Variants in NALF1 observed in about 807,000 individuals in gnomAD.
The protein encoded by NALF1 is NALCN channel auxiliary factor 1, also known as family with sequence similarity 155 member A.
Under a neutral mutation model 48.4 loss-of-function variants are expected in NALF1, and 3 were observed. The ratio of observed to expected loss-of-function variants is 0.06; its 90% CI spans 0.03 to 0.16. NALF1 has a LOEUF of 0.16. Among genes scored for constraint, NALF1 ranks in the 10% least tolerant of loss-of-function variants. The pLI is 1.00. For synonymous variants in NALF1, 262 were observed against 245.7 expected, an observed-to-expected ratio of 1.07 and a Z score of -0.62; for missense variants, 526 against 571.5, an observed-to-expected ratio of 0.92 and a Z score of 0.81.
intron 1 of NALF1, among the ~76,000 whole-genome samples, chr13:107,578,060 T>G (rs1296350091): frequency 6.6e-6 from 1 of 152,188 alleles, no homozygotes; most frequent in Non-Finnish European, 1.5e-5. Flanking sequence ...TAAAATTGAT[T>G]GGTGCTATCT....
rs754608397 is a variant in NALF1 at position 107,865,995 on chromosome 13, C to A, written c.602G>T (p.Gly201Val). Residue 201 changes from glycine to valine, a missense_variant, in exon 1 of 3, where the codon GGG becomes GTG. Physicochemically the swap from Gly to Val is moderately radical, Grantham distance 109. Coordinates refer to ENST00000375915, the MANE Select transcript of NALF1 (RefSeq NM_001080396.3). ...CARNWSRGAA[G>V]GDGQEVRSKH... ...GCTCCTCACCTCCTGCCCGTCCCCC[C>A]CGGCCGCCCCCCGACTCCAGTTCCT... The A allele has an allele frequency of 5.0e-6, 8 of 1,612,354 alleles. No homozygotes were observed. Among genetic ancestry groups the A allele is most frequent in the East Asian group, 4.5e-5 (2 of 44,882 alleles).
intron 1 of NALF1, among the ~76,000 whole-genome samples, chr13:107,707,672 G>A (rs541566882): frequency 1.4e-4 from 22 of 152,326 alleles, no homozygotes; most frequent in Admixed American, 1.4e-3. Context: ...GGAGATGGTA[G>A]TATCCTATCT....
At chr13:107,768,540 C>T (rs973156700) in intron 1 of NALF1, among the ~76,000 whole-genome samples, 20 of 152,008 alleles carry the variant, frequency 1.3e-4, no homozygotes, top group African/African-American at 4.4e-4. Flanking sequence ...TTCCAAAAAG[C>T]GTTTATAAAG....
chr13:107,635,320 A>T (rs1879946084), intron 1 of NALF1, among the ~76,000 whole-genome samples: 1 of 152,052 alleles, frequency 6.6e-6, no homozygotes, highest in Non-Finnish European at 1.5e-5. Context: ...GGGGCAGCAA[A>T]CATGTCCTTC....
intron 1 of NALF1, among the ~76,000 whole-genome samples, chr13:107,529,248 T>G (rs1876546581): frequency 6.6e-6 from 1 of 152,120 alleles, no homozygotes; most frequent in African/African-American, 2.4e-5. Context: ...GGTGAATACC[T>G]GCATAGTGAA....
intron 1 of NALF1, among the ~76,000 whole-genome samples, chr13:107,576,701 T>G (rs1878161665): frequency 6.6e-6 from 1 of 151,916 alleles, no homozygotes; most frequent in Admixed American, 6.6e-5. Flanking sequence ...GCCAGACAAA[T>G]TGGAAAGGCC....
Position 107,508,773 on chromosome 13 carries a change from C to T in NALF1, c.916-298018G>A, listed in dbSNP as rs531068220. ...CCCAATCTCACAACTGATGCAAAAT[C>T]AGAAAGAAAACACCAACCAAACCAG... On this transcript the variant is annotated intron_variant, in intron 1 of 2. Transcript: ENST00000375915. Among the ~76,000 whole-genome samples, 12 of 152,004 alleles carry T rather than the reference C, an allele frequency of 7.9e-5. No homozygotes were observed. The South Asian group carries it at 2.3e-3, about 29-fold the overall frequency.
intron 1 of NALF1, among the ~76,000 whole-genome samples, chr13:107,676,593 A>T (rs924129840): frequency 2.0e-4 from 21 of 106,558 alleles, no homozygotes; most frequent in Admixed American, 5.1e-4. Flanking sequence ...AAATCATTAA[A>T]TTAATTTAAT....
chr13:107,493,287 GA>G (rs199812544), intron 1 of NALF1, among the ~76,000 whole-genome samples: 2 of 150,966 alleles, frequency 1.3e-5, no homozygotes, highest in African/African-American at 4.8e-5. Context: ...AATAACTCCA[GA>G]AAAAAAAATA....
At chr13:107,455,856 G>A (rs565650127) in intron 1 of NALF1, among the ~76,000 whole-genome samples, 4 of 147,014 alleles carry the variant, frequency 2.7e-5, no homozygotes, top group South Asian at 2.1e-4. Context: ...TTCTTAGCTC[G>A]ATAACTCTTT....
chr13:107,736,194 T>TACACACAC (rs891269318), intron 1 of NALF1, among the ~76,000 whole-genome samples: 1 of 34,348 alleles, frequency 2.9e-5, no homozygotes, highest in Non-Finnish European at 5.5e-5. Context: ...CACACACACA[T>TACACACAC]ACACACACAC....
chr13:107,323,811 C>T (rs902933490), intron 1 of NALF1, among the ~76,000 whole-genome samples: 1 of 152,172 alleles, frequency 6.6e-6, no homozygotes, highest in East Asian at 1.9e-4. Context: ...TAAATTGTAA[C>T]TTATCCAAGA....
chr13:107,826,883 T>A (rs551107249), intron 1 of NALF1, among the ~76,000 whole-genome samples: 3 of 152,310 alleles, frequency 2.0e-5, no homozygotes, highest in African/African-American at 7.2e-5. Flanking sequence ...GGAAAAGATA[T>A]GGAGTGAATT....
chr13:107,423,657 C>T (rs1284824464), intron 1 of NALF1, among the ~76,000 whole-genome samples: 2 of 152,056 alleles, frequency 1.3e-5, no homozygotes, highest in Non-Finnish European at 2.9e-5. Context: ...TGACTAAACC[C>T]TGCCTTAAGC....
chr13:107,490,032 A>T (rs977599423), intron 1 of NALF1, among the ~76,000 whole-genome samples: 1 of 152,210 alleles, frequency 6.6e-6, no homozygotes, highest in Non-Finnish European at 1.5e-5. Flanking sequence ...AAACACAATG[A>T]GATACCATCT....
At chr13:107,385,552 C>CAAAAAAAAA (rs201307018) in intron 1 of NALF1, among the ~76,000 whole-genome samples, 7 of 118,292 alleles carry the variant, frequency 5.9e-5, no homozygotes, top group African/African-American at 1.7e-4. Flanking sequence ...GATTCCATCT[C>CAAAAAAAAA]AAAAAAAAAA....
At chr13:107,338,250 C>T (rs1293843830) in intron 1 of NALF1, among the ~76,000 whole-genome samples, 1 of 152,016 alleles carries the variant, frequency 6.6e-6, no homozygotes, top group East Asian at 1.9e-4. Context: ...TCTTACAATC[C>T]CCATGGGGTA....
chr13:107,776,686 A>C (rs61966054), intron 1 of NALF1, among the ~76,000 whole-genome samples: 11,597 of 152,300 alleles, frequency 0.076, 605 homozygotes, highest in South Asian at 0.12. Context: ...AACATGACAG[A>C]TTTTAGGATG....
At chr13:107,660,859 C>T (rs1453234324) in intron 1 of NALF1, among the ~76,000 whole-genome samples, 1 of 152,094 alleles carries the variant, frequency 6.6e-6, no homozygotes, top group African/African-American at 2.4e-5. Flanking sequence ...CTAGGGGAGG[C>T]TGTGCCTTGC....
Sources: gnomAD v4.1 joint callset for allele counts (sites outside exome capture counted in the v4.1 genomes callset) on GRCh38, gnomAD v4.1.1 for gene constraint, MANE v1.5 for transcripts, NCBI Gene and HGNC (gene_info 2026-07-23, HGNC 2026-07-21) for gene names.